The following VPS13A variants were observed in gnomAD, a reference collection of about 807,000 sequenced individuals.
VPS13A encodes intermembrane lipid transfer protein VPS13A.
A neutral mutation model predicts 390.9 loss-of-function variants in VPS13A; 264 were observed. The observed-to-expected ratio is 0.68, with a 90% CI of 0.61 to 0.75. VPS13A has a LOEUF of 0.75. VPS13A is among the 30% of genes least tolerant of loss of function. The pLI, the probability that VPS13A is intolerant of heterozygous loss-of-function variation, is 0.00. For synonymous variants in VPS13A, 1,231 were observed against 1,227.1 expected (o/e 1.00, Z -0.07); for missense variants, 3,409 against 3,733.9 (o/e 0.91, Z 2.27).
rs1228379787 is a variant in VPS13A at position 77,280,977 on chromosome 9, A to C, written c.2904+739A>C. ...AAAAAGGGGGGGAATCCTGTCACTTATGTCGACATAGATGAATGTGGAGGA... is the reference window on the plus strand; with the variant it reads ...AAAAAGGGGGGGAATCCTGTCACTTCTGTCGACATAGATGAATGTGGAGGA... On this transcript the variant is annotated intron_variant, in intron 27 of 71. Transcript: ENST00000360280. Among the ~76,000 whole-genome samples the C allele has an allele frequency of 4.6e-5, 7 of 152,308 alleles. No individual in the cohort carries two copies. In the South Asian group the frequency reaches 1.2e-3, roughly 27 times the overall value.
rs535228891 is a variant in VPS13A at position 77,320,050 on chromosome 9, T to G, written c.5415+377T>G. ...TCTAATACAATTATGTAACAAGTAT[T>G]ATGTTACTTGTTACATAATTTAGAA... On this transcript the variant is annotated intron_variant, in intron 42 of 71. Transcript: ENST00000360280. Among the ~76,000 whole-genome samples, 14 of 152,286 alleles carry G rather than the reference T, an allele frequency of 9.2e-5. No homozygotes were observed. The South Asian group carries it at 2.5e-3, about 27-fold the overall frequency.
intron 22 of VPS13A, among the ~76,000 whole-genome samples, chr9:77,258,297 T>G (rs1373930800): frequency 1.3e-5 from 2 of 152,170 alleles, no homozygotes; most frequent in Non-Finnish European, 2.9e-5. Context: ...ATGAGAAGGC[T>G]TCATGCCTAG....
chr9:77,211,360 A>G (rs976614674), intron 7 of VPS13A: 1 of 152,140 alleles, frequency 6.6e-6, no homozygotes, highest in Admixed American at 6.5e-5. Flanking sequence ...TACGCGTTTT[A>G]TATGACTCTT....
At chr9:77,184,590 G>C (rs1415980093) in intron 1 of VPS13A, among the ~76,000 whole-genome samples, 1 of 152,236 alleles carries the variant, frequency 6.6e-6, no homozygotes, top group Non-Finnish European at 1.5e-5. Flanking sequence ...CTGCACTCCA[G>C]CCTAGGTGAC....
intron 67 of VPS13A, among the ~76,000 whole-genome samples, chr9:77,380,317 T>G (rs1318009798): frequency 6.6e-6 from 1 of 152,172 alleles, no homozygotes; most frequent in Admixed American, 6.5e-5. Flanking sequence ...TTTTTACTTA[T>G]GTATTTATTT....
At chr9:77,217,908 G>T (rs1285648152) in intron 10 of VPS13A, among the ~76,000 whole-genome samples, 2 of 151,688 alleles carry the variant, frequency 1.3e-5, no homozygotes, top group Non-Finnish European at 2.9e-5. Context: ...TTCCACAGAG[G>T]TTGTACTGAT....
chr9:77,383,403 T>G (rs549754651), intron 68 of VPS13A, among the ~76,000 whole-genome samples: 21 of 152,172 alleles, frequency 1.4e-4, no homozygotes, highest in Admixed American at 7.2e-4. Flanking sequence ...CTTTGGAAGA[T>G]AGTAAATTTG....
chr9:77,396,757 A>G (rs545078240), intron 68 of VPS13A, among the ~76,000 whole-genome samples: 4 of 152,276 alleles, frequency 2.6e-5, no homozygotes, highest in South Asian at 2.1e-4. Context: ...CAGTTTGTCT[A>G]TTTACTTCTT....
chr9:77,303,006 G>A lies in VPS13A; in HGVS notation c.3904G>A (p.Glu1302Lys). Residue 1302 changes from glutamate (E) to lysine (K), a missense_variant, in exon 34 of 72, where the codon GAG becomes AAG. This residue lies in a region of VPS13A where 2,717 missense variants were observed against 2,917.4 expected (regional missense o/e 0.93). Transcript: ENST00000360280. ...TGTGGTTGAACGAAATTTATGCTGG[G>A]AGTGGTACCAGGAAGTTCCTTGTTT... is the stretch of plus-strand genomic sequence containing the variant. ...EVVVERNLCW[E>K]WYQEVPCFNV... 1.2e-6 allele frequency: 2 copies of A among 1,614,034 alleles called. No individual in the cohort carries two copies.
intron 45 of VPS13A, among the ~76,000 whole-genome samples, chr9:77,329,782 A>G (rs1045617506): frequency 1.3e-5 from 2 of 152,224 alleles, no homozygotes; most frequent in Non-Finnish European, 2.9e-5. Context: ...AAAACAAGGT[A>G]TGTGTATATA....
intron 67 of VPS13A, among the ~76,000 whole-genome samples, chr9:77,375,708 G>T (rs1833029712): frequency 6.6e-6 from 1 of 152,118 alleles, no homozygotes; most frequent in Non-Finnish European, 1.5e-5. Context: ...GATAGATCAG[G>T]AAGACAAAAT....
chr9:77,331,565 GA>G (rs1564734793), intron 45 of VPS13A, among the ~76,000 whole-genome samples: 1 of 151,784 alleles, frequency 6.6e-6, no homozygotes, highest in African/African-American at 2.4e-5. Context: ...CTTTTTTAAT[GA>G]TTTTTAGGCT....
chr9:77,260,388 G>A (rs1367722300), intron 23 of VPS13A, among the ~76,000 whole-genome samples, 164 bp downstream of exon 23: 7 of 127,740 alleles, frequency 5.5e-5, no homozygotes, highest in African/African-American at 1.2e-4. Flanking sequence ...ATGGAGTCTC[G>A]CTCTGTCACC....
intron 13 of VPS13A, among the ~76,000 whole-genome samples, 191 bp from the exon 14 acceptor site, chr9:77,225,735 A>C (rs1338777280): frequency 2.0e-5 from 3 of 152,170 alleles, no homozygotes; most frequent in African/African-American, 7.2e-5. Context: ...CTAATTTACT[A>C]ATTTCCATGC....
chr9:77,198,274 C>T (rs1030836808), intron 1 of VPS13A, among the ~76,000 whole-genome samples: 2 of 152,046 alleles, frequency 1.3e-5, no homozygotes, highest in African/African-American at 4.8e-5. Flanking sequence ...GAACCATCTG[C>T]CTCACTAACT....
intron 15 of VPS13A, 31 bp downstream of exon 15, chr9:77,226,629 A>T: frequency 6.2e-7 from 1 of 1,600,304 alleles, no homozygotes; most frequent in Non-Finnish European, 8.5e-7. Flanking sequence ...AGCATAGTTA[A>T]TCACTGGGTG....
At chr9:77,368,791 A>C (rs536897799) in intron 62 of VPS13A, among the ~76,000 whole-genome samples, 2 of 152,218 alleles carry the variant, frequency 1.3e-5, no homozygotes, top group Non-Finnish European at 2.9e-5. Flanking sequence ...ATATAATGTC[A>C]TATTATTTTT....
At chr9:77,243,421 A>G (rs1023978602) in intron 19 of VPS13A, among the ~76,000 whole-genome samples, 1 of 152,124 alleles carries the variant, frequency 6.6e-6, no homozygotes, top group Admixed American at 6.5e-5. Flanking sequence ...GGATTTTCAG[A>G]TTAGGGATGC....
At chr9:77,244,567 T>C (rs139963529) in intron 19 of VPS13A, among the ~76,000 whole-genome samples, 1 of 152,314 alleles carries the variant, frequency 6.6e-6, no homozygotes, top group African/African-American at 2.4e-5. Flanking sequence ...GTGCACATTA[T>C]GCATTGTGTT....
Sources: allele counts gnomAD v4.1 joint callset (sites outside exome capture counted in the v4.1 genomes callset), GRCh38; gene constraint gnomAD v4.1.1; regional missense constraint gnomAD v4.1.1; transcripts MANE v1.5; gene names NCBI Gene and HGNC (gene_info 2026-07-23, HGNC 2026-07-21).